STT3B: variants seen among roughly 807,000 people sequenced by gnomAD.
STT3B encodes STT3 oligosaccharyltransferase complex catalytic subunit B, also known as dolichyl-diphosphooligosaccharide--protein glycosyltransferase subunit STT3B.
In STT3B, 29 loss-of-function variants were observed where a neutral mutation model predicts 96.8. That is an observed-to-expected ratio of 0.30 (90% CI 0.22 to 0.41). The LOEUF (loss-of-function observed/expected upper bound fraction) is 0.41, where lower values mean the gene tolerates loss of function less well. STT3B is among the 10% of genes least tolerant of loss of function. The probability of loss-of-function intolerance (pLI) is 1.00; values close to 1 mark genes in which losing one functional copy is unlikely to be tolerated. For synonymous variants in STT3B, 367 were observed against 360.0 expected (o/e 1.02, Z -0.22); for missense variants, 640 against 1,022.3 (o/e 0.63, Z 5.10).
intron 5 of STT3B, among the ~76,000 whole-genome samples, chr3:31,613,156 T>C (rs1241102102): frequency 6.6e-6 from 1 of 152,112 alleles, no homozygotes; most frequent in East Asian, 1.9e-4. Flanking sequence ...CACAACCTTA[T>C]GCGTGTACTC....
At chr3:31,538,405 G>A (rs1697153666) in intron 1 of STT3B, among the ~76,000 whole-genome samples, 1 of 152,150 alleles carries the variant, frequency 6.6e-6, no homozygotes. Context: ...TGAGTGCATT[G>A]TAAATCAGTG....
chr3:31,533,127 G>A lies in STT3B; in HGVS notation c.129G>A (p.Lys43=), dbSNP rs1266423826. 4 of 1,309,058 alleles carry A rather than the reference G, an allele frequency of 3.1e-6. No individual in the cohort carries two copies. Among genetic ancestry groups the A allele is most frequent in the South Asian group, 5.2e-5 (2 of 38,580 alleles). The allele number at this position is 1,309,058 out of a possible 1,614,324, so 81.1% of individuals were successfully genotyped here. ...GGCCCGGGGCCCAGTGCGCGCACAA[G>A]GCGGCGGGCGGCGCGGCGCCGCCGA... The part of the protein sequence containing the change: ...HHGPGAQCAH[K]AAGGAAPPKP... Residue 43 remains lysine, a synonymous_variant, in exon 1 of 16, where the codon AAG becomes AAA. Coordinates refer to ENST00000295770, the MANE Select transcript of STT3B (RefSeq NM_178862.3).
intron 5 of STT3B, among the ~76,000 whole-genome samples, chr3:31,611,414 G>A (rs1409440386): frequency 1.3e-5 from 2 of 152,128 alleles, no homozygotes; most frequent in African/African-American, 4.8e-5. Flanking sequence ...TGCATAAATT[G>A]AAGAGGTAAT....
intron 1 of STT3B, among the ~76,000 whole-genome samples, chr3:31,537,154 T>G: frequency 6.6e-6 from 1 of 152,224 alleles, no homozygotes; most frequent in Admixed American, 6.5e-5. Context: ...AGAATGCAAT[T>G]TTTCCGAAGA....
chr3:31,615,829 T>C (rs1699294938), intron 6 of STT3B, among the ~76,000 whole-genome samples: 1 of 151,946 alleles, frequency 6.6e-6, no homozygotes, highest in Non-Finnish European at 1.5e-5. Flanking sequence ...TTGAATTTAT[T>C]TTTAAAAATT....
chr3:31,607,148 A>G (rs1699070478), intron 5 of STT3B, among the ~76,000 whole-genome samples: 1 of 152,162 alleles, frequency 6.6e-6, no homozygotes, highest in Non-Finnish European at 1.5e-5. Context: ...TTTTGATTTT[A>G]CAGGCTCATA....
At chr3:31,608,252 G>A (rs1261335638) in intron 5 of STT3B, among the ~76,000 whole-genome samples, 1 of 152,158 alleles carries the variant, frequency 6.6e-6, no homozygotes, top group Non-Finnish European at 1.5e-5. Flanking sequence ...AAAATTAGAA[G>A]TTTCAGTGTT....
In STT3B at chr3:31,608,637, C is replaced by T. The variant is rs567868371; in HGVS notation, c.878-6468C>T. Among the ~76,000 whole-genome samples, 167 of 152,316 alleles carry T rather than the reference C, an allele frequency of 1.1e-3. 1 individual carries two copies. The highest frequency in any genetic ancestry group is 3.6e-3 in the African/African-American group (148 of 41,562). Reference sequence around the variant, plus strand: ...GAATAGAAACAGTCTTCATGTTCTACAGGCCAACCATTATCTAGAAGAATA... The same window carrying T: ...GAATAGAAACAGTCTTCATGTTCTATAGGCCAACCATTATCTAGAAGAATA... On this transcript the variant is annotated intron_variant, in intron 5 of 15. Coordinates refer to ENST00000295770, the MANE Select transcript of STT3B (RefSeq NM_178862.3).
chr3:31,546,269 T>C (rs992276935), intron 1 of STT3B, among the ~76,000 whole-genome samples: 3 of 150,234 alleles, frequency 2.0e-5, no homozygotes, highest in African/African-American at 4.8e-5. Context: ...CAGCTTCATG[T>C]GTCAGCTGAG....
chr3:31,585,083 G>A (rs1030432532), intron 3 of STT3B, among the ~76,000 whole-genome samples: 2 of 151,986 alleles, frequency 1.3e-5, no homozygotes, highest in Non-Finnish European at 2.9e-5. Flanking sequence ...CTTTTAAAAG[G>A]TACATGTTTT....
In STT3B at chr3:31,622,269, T is replaced by C. The variant is rs1221891233; in HGVS notation, c.1500T>C (p.Asp500=). The stretch of plus-strand genomic sequence containing the variant: ...ATCCACCTGTGGAGGACAGCAGTGA[T>C]GAGGATGACAAAAGAAACCAAGGAA... The part of the protein sequence containing the change: ...RENPPVEDSS[D]EDDKRNQGNL... The change falls in exon 10 of 16, where the codon GAT becomes GAC. Residue 500 remains aspartate (D), a synonymous_variant. Coordinates refer to ENST00000295770, the MANE Select transcript of STT3B (RefSeq NM_178862.3). The C allele has an allele frequency of 6.2e-7, 1 of 1,613,972 alleles. No homozygotes were observed. The highest frequency in any genetic ancestry group is 8.5e-7 in the Non-Finnish European group (1 of 1,179,970).
chr3:31,617,267 G>T (rs1205023401), intron 7 of STT3B, among the ~76,000 whole-genome samples, 192 bp downstream of exon 7: 1 of 128,294 alleles, frequency 7.8e-6, no homozygotes, highest in African/African-American at 2.9e-5. Context: ...TCCTTCTCTT[G>T]CTGGATGAAT....
In STT3B at chr3:31,595,557, A is replaced by G. The variant is rs72856033; in HGVS notation, c.712-1241A>G. The stretch of plus-strand genomic sequence containing the variant: ...TTAGTTTCTGATACCTACCTCTATT[A>G]TAACACTTTGTATATAGTACCTTTC... On this transcript the variant is annotated intron_variant, in intron 3 of 15. Transcript: ENST00000295770. Among the ~76,000 whole-genome samples, 412 of 152,258 alleles carry G rather than the reference A, an allele frequency of 2.7e-3. 2 individuals carry two copies. Among genetic ancestry groups the G allele is most frequent in the African/African-American group, 9.7e-3 (404 of 41,544 alleles).
rs1334049146 is a variant in STT3B, at chr3:31,580,068, T to C, written c.683T>C (p.Phe228Ser). The change falls in exon 3 of 16, where the codon TTT becomes TCT. Residue 228 changes from phenylalanine to serine, a missense_variant. Physicochemically the swap from Phe to Ser is radical, Grantham distance 155. Transcript: ENST00000295770. The stretch of plus-strand genomic sequence containing the variant: ...TTTGATAATGAAGGCATTGCTATTT[T>C]TGCACTTCAGTTCACATACTATTTA... ...GSFDNEGIAI[F>S]ALQFTYYLWV... is the part of the protein sequence containing the mutation. 6.2e-7 allele frequency: 1 copy of C among 1,613,512 alleles called. No homozygotes were observed. Among genetic ancestry groups the C allele is most frequent in the Non-Finnish European group, 8.5e-7 (1 of 1,179,526 alleles).
intron 1 of STT3B, among the ~76,000 whole-genome samples, chr3:31,537,182 G>C (rs971494172): frequency 2.6e-5 from 4 of 152,200 alleles, no homozygotes; most frequent in Admixed American, 2.6e-4. Context: ...GTATAAATTG[G>C]TTAATTAGTA....
At chr3:31,631,092 C>G (rs1699647215) in intron 14 of STT3B, among the ~76,000 whole-genome samples, 1 of 152,138 alleles carries the variant, frequency 6.6e-6, no homozygotes, top group African/African-American at 2.4e-5. Flanking sequence ...CGCGCCCAGC[C>G]CCAAGTTTTA....
At chr3:31,606,067 G>A (rs919180108) in intron 5 of STT3B, among the ~76,000 whole-genome samples, 1 of 152,190 alleles carries the variant, frequency 6.6e-6, no homozygotes, top group African/African-American at 2.4e-5. Context: ...CTTTGAAATC[G>A]AGGTAGATGA....
At chr3:31,626,445 A>G (rs1246716661) in intron 13 of STT3B, among the ~76,000 whole-genome samples, 1 of 152,024 alleles carries the variant, frequency 6.6e-6, no homozygotes, top group African/African-American at 2.4e-5. Flanking sequence ...ACTTACCCTT[A>G]TGCTTGTAAA....
At chr3:31,618,506 A>G (rs1168362807) in intron 8 of STT3B, among the ~76,000 whole-genome samples, 2 of 151,664 alleles carry the variant, frequency 1.3e-5, no homozygotes, top group African/African-American at 2.4e-5. Context: ...TTTGGTTTTG[A>G]ATTAGACTAG....
Sources: allele counts gnomAD v4.1 joint callset (sites outside exome capture counted in the v4.1 genomes callset), GRCh38; gene constraint gnomAD v4.1.1; transcripts MANE v1.5; gene names NCBI Gene and HGNC (gene_info 2026-07-23, HGNC 2026-07-21).